The following RBFOX1 variants were observed in gnomAD, a reference collection of about 807,000 sequenced individuals.
RBFOX1 encodes RNA binding protein fox-1 homolog 1.
RBFOX1 carries 8 observed loss-of-function variants against 57.7 expected under a neutral mutation model. That is an observed-to-expected ratio of 0.14 (90% confidence interval 0.08 to 0.25). The LOEUF (loss-of-function observed/expected upper bound fraction) is 0.25. Ranked by LOEUF, RBFOX1 falls within the 10% of genes least tolerant of loss-of-function variation. The probability of loss-of-function intolerance (pLI) is 1.00; values close to 1 mark genes in which losing one functional copy is unlikely to be tolerated. For synonymous variants in RBFOX1, 326 were observed against 222.4 expected (o/e 1.47, Z -4.15); for missense variants, 611 against 548.5 (o/e 1.11, Z -1.14).
intron 1 of RBFOX1, among the ~76,000 whole-genome samples, chr16:5,314,189 T>C (rs1270457773): frequency 6.6e-6 from 1 of 152,246 alleles, no homozygotes; most frequent in African/African-American, 2.4e-5. Context: ...GCCCAGGTCA[T>C]GCAGTGGGTA....
At chr16:5,591,945 T>C (rs2047022024) in intron 2 of RBFOX1, among the ~76,000 whole-genome samples, 1 of 152,264 alleles carries the variant, frequency 6.6e-6, no homozygotes, top group South Asian at 2.1e-4. Context: ...ATGTATAATT[T>C]CACTGTGTAT....
At chr16:7,439,301 A>G (rs2098747296) in intron 4 of RBFOX1, among the ~76,000 whole-genome samples, 1 of 151,646 alleles carries the variant, frequency 6.6e-6, no homozygotes, top group Admixed American at 6.6e-5. Context: ...TTGAACCTTC[A>G]TGTCCCTCTT....
intron 1 of RBFOX1, among the ~76,000 whole-genome samples, chr16:6,155,626 C>T (rs751514465): frequency 6.6e-6 from 1 of 152,122 alleles, no homozygotes; most frequent in Non-Finnish European, 1.5e-5. Flanking sequence ...TTTAAGGTCT[C>T]AAAGCAAACC....
At chr16:7,338,682 C>A (rs1263127962) in intron 4 of RBFOX1, among the ~76,000 whole-genome samples, 1 of 152,156 alleles carries the variant, frequency 6.6e-6, no homozygotes, top group East Asian at 1.9e-4. Context: ...TATGAGACAT[C>A]TACATACCTA....
intron 2 of RBFOX1, among the ~76,000 whole-genome samples, chr16:6,564,493 C>G (rs1008572593): frequency 6.6e-5 from 10 of 152,024 alleles, no homozygotes; most frequent in African/African-American, 1.7e-4. Flanking sequence ...AATAAACAAA[C>G]AAACACATGG....
intron 2 of RBFOX1, among the ~76,000 whole-genome samples, chr16:6,390,602 TAAATA>T (rs909019687): frequency 1.3e-5 from 2 of 152,056 alleles, no homozygotes; most frequent in Non-Finnish European, 2.9e-5. Context: ...TGATTTAAAT[TAAATA>T]AAATAAACTA....
At chr16:5,248,808 T>C (rs960954130) in intron 1 of RBFOX1, among the ~76,000 whole-genome samples, 7 of 151,718 alleles carry the variant, frequency 4.6e-5, no homozygotes, top group African/African-American at 1.7e-4. Flanking sequence ...GGCCAACATG[T>C]TGAAAGCCTG....
chr16:5,516,807 C>A (rs926331460), intron 2 of RBFOX1, among the ~76,000 whole-genome samples: 1 of 152,176 alleles, frequency 6.6e-6, no homozygotes, highest in Non-Finnish European at 1.5e-5. Flanking sequence ...GCTCGGCACT[C>A]ATTCTTCTCT....
chr16:7,431,729 AT>A (rs1421918368), intron 4 of RBFOX1, among the ~76,000 whole-genome samples: 1 of 152,186 alleles, frequency 6.6e-6, no homozygotes, highest in Non-Finnish European at 1.5e-5. Flanking sequence ...GCCTCTGGCA[AT>A]TGCTACAGAA....
intron 2 of RBFOX1, among the ~76,000 whole-genome samples, chr16:6,497,371 C>T (rs1473867221): frequency 6.6e-6 from 1 of 152,126 alleles, no homozygotes; most frequent in East Asian, 1.9e-4. Context: ...CACAGACTTT[C>T]TCTAAAAGTT....
At chr16:7,020,954 C>A (rs948675903) in intron 3 of RBFOX1, among the ~76,000 whole-genome samples, 2 of 152,130 alleles carry the variant, frequency 1.3e-5, no homozygotes, top group Admixed American at 6.5e-5. Flanking sequence ...TGGTGAAATC[C>A]TGTCTCTACT....
At chr16:5,317,269 C>G (rs8043774) in intron 1 of RBFOX1, among the ~76,000 whole-genome samples, 26,419 of 152,170 alleles carry the variant, frequency 0.17, 2,818 homozygotes, top group African/African-American at 0.31. Flanking sequence ...CTAGACAACC[C>G]TGACAAAATC....
At chr16:6,368,277 G>A (rs1238840515) in intron 2 of RBFOX1, among the ~76,000 whole-genome samples, 1 of 152,158 alleles carries the variant, frequency 6.6e-6, no homozygotes, top group Non-Finnish European at 1.5e-5. Context: ...GAAAAATGGT[G>A]CTGGGACCAC....
At chr16:6,619,462 C>G (rs1334657807) in intron 2 of RBFOX1, among the ~76,000 whole-genome samples, 5 of 152,296 alleles carry the variant, frequency 3.3e-5, no homozygotes, top group Non-Finnish European at 5.9e-5. Context: ...ACAGTTCAAT[C>G]AGTTCTCCCA....
intron 4 of RBFOX1, among the ~76,000 whole-genome samples, chr16:7,075,612 G>A (rs900231705): frequency 4.6e-5 from 7 of 151,340 alleles, no homozygotes; most frequent in Non-Finnish European, 5.9e-5. Context: ...ACGGAGTCTC[G>A]CTCTGTTGCG....
chr16:7,331,387 A>G (rs188385189), intron 4 of RBFOX1, among the ~76,000 whole-genome samples: 3 of 152,256 alleles, frequency 2.0e-5, no homozygotes, highest in Admixed American at 2.0e-4. Context: ...CTTGGGCATT[A>G]TTTGAGTGGA....
At chr16:7,325,718 T>C (rs2096602576) in intron 4 of RBFOX1, among the ~76,000 whole-genome samples, 1 of 152,232 alleles carries the variant, frequency 6.6e-6, no homozygotes, top group South Asian at 2.1e-4. Context: ...GCTTTTCCTA[T>C]ATTCCCATCT....
intron 3 of RBFOX1, among the ~76,000 whole-genome samples, chr16:6,815,461 G>A (rs939142751): frequency 2.0e-5 from 3 of 152,028 alleles, no homozygotes; most frequent in Non-Finnish European, 4.4e-5. Flanking sequence ...TCTGACATTC[G>A]CAGTGGAATC....
At chr16:5,835,750 C>T (rs1302016491) in intron 3 of RBFOX1, among the ~76,000 whole-genome samples, 2 of 152,246 alleles carry the variant, frequency 1.3e-5, no homozygotes, top group East Asian at 3.8e-4. Flanking sequence ...CTTGATTAAA[C>T]TCAATTTGGC....
Sources: gnomAD v4.1 joint callset for allele counts (sites outside exome capture counted in the v4.1 genomes callset) on GRCh38, gnomAD v4.1.1 for gene constraint, MANE v1.5 for transcripts, NCBI Gene and HGNC (gene_info 2026-07-23, HGNC 2026-07-21) for gene names.